The following CD83 variants were observed in gnomAD, a reference collection of about 807,000 sequenced individuals.
CD83 encodes the protein CD83 molecule, also known as CD83 antigen.
Under a neutral mutation model 24.6 loss-of-function variants are expected in CD83, and 22 were observed. The observed-to-expected ratio is 0.90, with a 90% CI of 0.64 to 1.28. CD83 has a LOEUF of 1.28. Ranked by LOEUF, CD83 falls within the 50% of genes most tolerant of loss-of-function variation. The pLI, the probability that CD83 is intolerant of heterozygous loss-of-function variation, is 0.00. For synonymous variants in CD83, 101 were observed against 103.5 expected (o/e 0.98, Z 0.14); for missense variants, 253 against 252.8 (o/e 1.00, Z -0.01).
At chr6:14,118,158 G>A (rs1759585410) in intron 2 of CD83, 93 bp downstream of exon 2, 5 of 869,316 alleles carry the variant, frequency 5.8e-6, no homozygotes, top group East Asian at 6.2e-5. Flanking sequence ...CTCTGTGGCT[G>A]CCAGGTGGGG....
In CD83 at chr6:14,131,680, AC is replaced by A. The variant is rs1381618264; in HGVS notation, c.315del (p.Tyr105Ter). On this transcript the variant is annotated frameshift_variant, in exon 3 of 5. Transcript: ENST00000379153. LOFTEE classifies it high-confidence loss of function. ...RNTTSCNSGT[Y>X]RCTLQDPDGQ... ...ACTACCAGCTGCAACTCGGGGACAT[AC>A]AGGTGCACTCTGCAGGACCCGGATG... The A allele has an allele frequency of 6.2e-7, 1 of 1,614,178 alleles. No individual in the cohort carries two copies. The highest frequency in any genetic ancestry group is 1.7e-5 in the Admixed American group (1 of 60,028).
chr6:14,135,114 G>A lies in CD83; in HGVS notation c.496G>A (p.Ala166Thr), dbSNP rs778221860. 6.2e-7 allele frequency: 1 copy of A among 1,613,570 alleles called. No individual in the cohort carries two copies. Residue 166 changes from alanine (A) to threonine (T), a missense_variant, in exon 5 of 5, where the codon GCA becomes ACA. By Grantham distance (58) the Ala-to-Thr change is moderately conservative (BLOSUM62 0). Transcript: ENST00000379153. ...LTLIIFTCKF[A>T]RLQSIFPDFS... ...TTCTTTCATTTCTTTTTAGAAGTTT[G>A]CACGGCTACAGAGTATCTTCCCAGA...
chr6:14,133,605 A>C (rs1757976308), intron 3 of CD83, 44 bp from the exon 4 acceptor site: 1 of 1,350,574 alleles, frequency 7.4e-7, no homozygotes, highest in African/African-American at 1.5e-5. Flanking sequence ...CATGGTAGAA[A>C]AATCCTGTTA....
chr6:14,121,284 C>T (rs1439217876), intron 2 of CD83, among the ~76,000 whole-genome samples: 3 of 151,966 alleles, frequency 2.0e-5, no homozygotes, highest in African/African-American at 7.2e-5. Flanking sequence ...ATCCTCCCAC[C>T]TCAGCCTCCC....
chr6:14,126,934 G>T (rs1759830015), intron 2 of CD83, among the ~76,000 whole-genome samples: 1 of 150,320 alleles, frequency 6.7e-6, no homozygotes, highest in Non-Finnish European at 1.5e-5. Context: ...TTTTTATACT[G>T]TTTTTTTTTC....
intron 3 of CD83, among the ~76,000 whole-genome samples, chr6:14,133,092 A>G (rs987390580): frequency 1.3e-5 from 2 of 152,204 alleles, no homozygotes; most frequent in African/African-American, 4.8e-5. Context: ...AGCTTGAATG[A>G]TTCTAGAAAA....
chr6:14,119,241 G>C (rs62386743), intron 2 of CD83, among the ~76,000 whole-genome samples: 24,471 of 152,224 alleles, frequency 0.16, 2,455 homozygotes, highest in Middle Eastern at 0.25. Flanking sequence ...GCATGACGGG[G>C]ATGGTGCTGC....
intron 2 of CD83, among the ~76,000 whole-genome samples, chr6:14,118,584 A>C (rs1759598846): frequency 6.6e-6 from 1 of 152,192 alleles, no homozygotes; most frequent in Admixed American, 6.5e-5. Context: ...GGTAGTTATC[A>C]GTGGTCATCT....
intron 2 of CD83, among the ~76,000 whole-genome samples, chr6:14,120,778 A>G (rs920820535): frequency 3.3e-5 from 5 of 152,234 alleles, no homozygotes; most frequent in Non-Finnish European, 5.9e-5. Flanking sequence ...TGTAATTAAC[A>G]AAAGGACCCA....
At chr6:14,117,602 ACGGG>A, upstream of CD83, 1 of 134,356 alleles carries the variant, frequency 7.4e-6, no homozygotes, top group Non-Finnish European at 1.2e-5. This position sits in a 1 kb window ranked among gnomAD's most constrained non-coding sequence, Gnocchi z 4.6. Flanking sequence ...GGGGGCGGGG[ACGGG>A]GGCGGGGACG....
chr6:14,129,846 T>C lies in CD83; in HGVS notation c.154-1674T>C, dbSNP rs943778195. ...AAGCAGAAATGACTGTGTGTGTGTG[T>C]GTGTGTGTGTGTGTGTGTATACGAG... On this transcript the variant is annotated intron_variant, in intron 2 of 4. Transcript: ENST00000379153. This position sits in a 1 kb window ranked among gnomAD's most constrained non-coding sequence, Gnocchi z 4.3. 2.0e-5 allele frequency among the ~76,000 whole-genome samples: 3 copies of C among 151,458 alleles called. No individual in the cohort carries two copies. The highest frequency in any genetic ancestry group is 7.3e-5 in the African/African-American group (3 of 40,956).
At chr6:14,132,995 T>TA (rs1757949575) in intron 3 of CD83, among the ~76,000 whole-genome samples, 1 of 152,256 alleles carries the variant, frequency 6.6e-6, no homozygotes, top group African/African-American at 2.4e-5. Context: ...TCGCTGCTCT[T>TA]ACCCTCCCTT....
At chr6:14,126,996 TA>T (rs1759832865) in intron 2 of CD83, among the ~76,000 whole-genome samples, 1 of 152,112 alleles carries the variant, frequency 6.6e-6, no homozygotes, top group Non-Finnish European at 1.5e-5. Flanking sequence ...TTTATTTTTT[TA>T]TTTTTTTTTA....
chr6:14,134,768 C>T (rs536596183), intron 4 of CD83, among the ~76,000 whole-genome samples: 55 of 152,276 alleles, frequency 3.6e-4, no homozygotes, highest in African/African-American at 1.3e-3. Flanking sequence ...GGGTTATTTG[C>T]GTATAAGAAG....
chr6:14,130,420 T>A (rs1306998225), intron 2 of CD83, among the ~76,000 whole-genome samples: 1 of 152,142 alleles, frequency 6.6e-6, no homozygotes, highest in African/African-American at 2.4e-5. Context: ...ACCAGTTTGA[T>A]CACAAAGAAT....
chr6:14,127,904 T>C (rs1759857607), intron 2 of CD83, among the ~76,000 whole-genome samples: 1 of 152,252 alleles, frequency 6.6e-6, no homozygotes, highest in African/African-American at 2.4e-5. Flanking sequence ...TGAAATTGTG[T>C]TGTGCTTTAG....
chr6:14,133,069 C>A lies in CD83; in HGVS notation c.383-580C>A, dbSNP rs1030011382. Among the ~76,000 whole-genome samples the A allele has an allele frequency of 4.6e-5, 7 of 152,242 alleles. No homozygotes were observed. In the South Asian group the frequency reaches 6.2e-4, roughly 14 times the overall value. ...GTTCTTCCACCCAACCATGCTGGCACCCTTGCCGAAAGAGCTTGAATGATT... is the reference window on the plus strand; with the variant it reads ...GTTCTTCCACCCAACCATGCTGGCAACCTTGCCGAAAGAGCTTGAATGATT... On this transcript the variant is annotated intron_variant, in intron 3 of 4. Coordinates refer to ENST00000379153, the MANE Select transcript of CD83 (RefSeq NM_004233.4).
chr6:14,131,425 T>C (rs1487094863), intron 2 of CD83, 95 bp from the exon 3 acceptor site: 5 of 865,600 alleles, frequency 5.8e-6, no homozygotes, highest in Admixed American at 4.5e-5. Context: ...CAAACATAAG[T>C]TGAGGCTGGA....
chr6:14,132,908 C>G (rs1757948164), intron 3 of CD83, among the ~76,000 whole-genome samples: 1 of 152,254 alleles, frequency 6.6e-6, no homozygotes, highest in African/African-American at 2.4e-5. Flanking sequence ...CAACTTGCTT[C>G]CCCAAACAGC....
Sources: allele counts gnomAD v4.1 joint callset (sites outside exome capture counted in the v4.1 genomes callset), GRCh38; gene constraint gnomAD v4.1.1; non-coding constraint Gnocchi (gnomAD v3.1); transcripts MANE v1.5; gene names NCBI Gene and HGNC (gene_info 2026-07-23, HGNC 2026-07-21).